Variants in PDE4D observed in about 807,000 individuals in gnomAD.
The protein encoded by PDE4D is phosphodiesterase 4D.
A neutral mutation model predicts 87.4 loss-of-function variants in PDE4D; 24 were observed. The observed-to-expected ratio is 0.27, with a 90% CI of 0.20 to 0.39. The LOEUF (loss-of-function observed/expected upper bound fraction) is 0.39. Ranked by LOEUF, PDE4D falls within the 10% of genes least tolerant of loss-of-function variation. The probability of loss-of-function intolerance (pLI) is 1.00; values close to 1 mark genes in which losing one functional copy is unlikely to be tolerated. For synonymous variants in PDE4D, 384 were observed against 383.2 expected, an observed-to-expected ratio of 1.00 and a Z score of -0.02; for missense variants, 714 against 1,041.0, an observed-to-expected ratio of 0.69 and a Z score of 4.32.
chr5:59,665,909 C>T (rs1399578743), intron 1 of PDE4D, among the ~76,000 whole-genome samples: 1 of 152,176 alleles, frequency 6.6e-6, no homozygotes, highest in South Asian at 2.1e-4. Flanking sequence ...ACTTTGGACT[C>T]CCCAGCCTCC....
At chr5:59,896,564 G>A (rs1004434534), upstream of PDE4D, among the ~76,000 whole-genome samples, 1 of 152,148 alleles carries the variant, frequency 6.6e-6, no homozygotes, top group Admixed American at 6.5e-5. Flanking sequence ...ACCCTGCCTA[G>A]ACAAATAAAA....
intron 1 of PDE4D, among the ~76,000 whole-genome samples, chr5:59,394,079 T>C (rs140108582): frequency 9.5e-4 from 144 of 152,304 alleles, no homozygotes; most frequent in African/African-American, 3.1e-3. Context: ...CCTTTAGTGA[T>C]CTCAAGTGGT....
At chr5:59,790,757 G>T (rs979924365) in intron 1 of PDE4D, among the ~76,000 whole-genome samples, 3 of 151,806 alleles carry the variant, frequency 2.0e-5, no homozygotes, top group Non-Finnish European at 4.4e-5. Context: ...CTCTAATTGA[G>T]CCTAATATGC....
intron 2 of PDE4D, among the ~76,000 whole-genome samples, chr5:60,016,599 T>C (rs1408284782): frequency 6.6e-6 from 1 of 152,226 alleles, no homozygotes; most frequent in Non-Finnish European, 1.5e-5. Context: ...AGTAAGTTTA[T>C]ATTATATTCT....
chr5:59,774,106 T>C (rs545246083), intron 1 of PDE4D, among the ~76,000 whole-genome samples: 1 of 152,298 alleles, frequency 6.6e-6, no homozygotes, highest in South Asian at 2.1e-4. Flanking sequence ...GTAAGATGCA[T>C]TGGATTTTTA....
chr5:60,468,130 C>CTTTT (rs370784270), intron 1 of PDE4D, among the ~76,000 whole-genome samples: 3 of 126,182 alleles, frequency 2.4e-5, no homozygotes, highest in African/African-American at 6.1e-5. Context: ...AACTTTCTTT[C>CTTTT]TTTTTTCTTT....
chr5:60,275,494 C>A (rs1283539761), intron 1 of PDE4D, among the ~76,000 whole-genome samples: 1 of 152,020 alleles, frequency 6.6e-6, no homozygotes, highest in Non-Finnish European at 1.5e-5. Context: ...TTATCTTAAT[C>A]ATTACAGTAA....
intron 1 of PDE4D, among the ~76,000 whole-genome samples, chr5:60,363,258 AT>A (rs1406702482): frequency 1.3e-5 from 2 of 152,136 alleles, no homozygotes; most frequent in East Asian, 3.8e-4. Context: ...AGTAGTATAT[AT>A]TTGCTTCTTT....
intron 2 of PDE4D, among the ~76,000 whole-genome samples, chr5:60,098,434 C>T (rs1333421452): frequency 4.0e-5 from 6 of 151,664 alleles, no homozygotes; most frequent in East Asian, 3.9e-4. Context: ...TGTTTTCATT[C>T]GTGTATTTTT....
chr5:60,247,085 T>C (rs1290365696), intron 1 of PDE4D, among the ~76,000 whole-genome samples: 3 of 152,004 alleles, frequency 2.0e-5, no homozygotes, highest in Non-Finnish European at 4.4e-5. Context: ...GTCTCTTCTG[T>C]TCTGATGATT....
At chr5:59,937,032 A>G (rs1756665669) in intron 3 of PDE4D, among the ~76,000 whole-genome samples, 3 of 152,216 alleles carry the variant, frequency 2.0e-5, no homozygotes, top group Admixed American at 6.5e-5. Flanking sequence ...CATATTTGGA[A>G]TGCTTACTAC....
rs1024328363 is a variant in PDE4D, at chr5:60,000,921, G to A, written c.43-12204C>T. ...AGGACTCATTCCCATCCATGTTCTC[G>A]GAGACAGGCTTGCCAAACTTGGTTC... On this transcript the variant is annotated intron_variant, in intron 2 of 16. Transcript: ENST00000502484. Among the ~76,000 whole-genome samples the A allele has an allele frequency of 3.9e-5, 6 of 152,116 alleles. No homozygotes were observed. The East Asian group carries it at 9.7e-4, about 25-fold the overall frequency.
At chr5:60,242,511 G>A (rs1279395802) in intron 1 of PDE4D, among the ~76,000 whole-genome samples, 1 of 152,058 alleles carries the variant, frequency 6.6e-6, no homozygotes, top group Admixed American at 6.6e-5. Context: ...TCCAATGGCT[G>A]CAGAATACAC....
intron 1 of PDE4D, among the ~76,000 whole-genome samples, chr5:59,484,716 T>C (rs1276409446): frequency 2.0e-5 from 3 of 152,210 alleles, no homozygotes; most frequent in African/African-American, 4.8e-5. Context: ...CAAAGTAACA[T>C]ACATACTAGC....
intron 1 of PDE4D, among the ~76,000 whole-genome samples, chr5:60,191,795 G>T (rs1303658639): frequency 6.6e-6 from 1 of 152,060 alleles, no homozygotes; most frequent in Non-Finnish European, 1.5e-5. Context: ...TCAGGAGTGT[G>T]AGACCAGCCT....
chr5:59,146,755 C>T (rs922767317), intron 5 of PDE4D, among the ~76,000 whole-genome samples: 11 of 152,052 alleles, frequency 7.2e-5, no homozygotes, highest in Admixed American at 7.2e-4. Flanking sequence ...TTGCCTATTG[C>T]TTTATTTCCT....
At chr5:59,201,475 G>T (rs985653851) in intron 2 of PDE4D, among the ~76,000 whole-genome samples, 1 of 151,958 alleles carries the variant, frequency 6.6e-6, no homozygotes, top group African/African-American at 2.4e-5. Flanking sequence ...ATAAATTTAA[G>T]AATATAATGA....
chr5:59,264,430 C>T (rs771104880), intron 1 of PDE4D, among the ~76,000 whole-genome samples: 10 of 152,026 alleles, frequency 6.6e-5, no homozygotes, highest in African/African-American at 1.7e-4. Context: ...TTCCTATGTA[C>T]GTAAAATGAT....
intron 2 of PDE4D, among the ~76,000 whole-genome samples, chr5:60,117,566 A>C (rs917931545): frequency 6.6e-6 from 1 of 152,086 alleles, no homozygotes; most frequent in Non-Finnish European, 1.5e-5. Context: ...ATAAAATATG[A>C]ATGTACTGTC....
Sources: allele counts gnomAD v4.1 joint callset (sites outside exome capture counted in the v4.1 genomes callset), GRCh38; gene constraint gnomAD v4.1.1; transcripts MANE v1.5; gene names NCBI Gene and HGNC (gene_info 2026-07-23, HGNC 2026-07-21).